SPINK8: variants seen among roughly 807,000 people sequenced by gnomAD.
SPINK8 encodes serine protease inhibitor Kazal-type 8.
A neutral mutation model predicts 14.4 loss-of-function variants in SPINK8; 12 were observed. That is an observed-to-expected ratio of 0.83 (90% CI 0.53 to 1.35). The LOEUF (loss-of-function observed/expected upper bound fraction) is 1.35, where lower values mean the gene tolerates loss of function less well. SPINK8 is among the 40% of genes most tolerant of loss of function. The pLI is 0.00. For synonymous variants in SPINK8, 32 were observed against 37.6 expected, an observed-to-expected ratio of 0.85 and a Z score of 0.55; for missense variants, 103 against 117.0, an observed-to-expected ratio of 0.88 and a Z score of 0.55.
chr3:48,307,027 A>G, intron 7 of SPINK8, 24 bp from the exon 8 acceptor site: 6 of 1,611,784 alleles, frequency 3.7e-6, no homozygotes, highest in Non-Finnish European at 5.1e-6. Flanking sequence ...ATCTGCTTAG[A>G]GAAATCAAAT....
At chr3:48,324,560 G>T (rs371674959) in intron 4 of SPINK8, among the ~76,000 whole-genome samples, 173 of 152,140 alleles carry the variant, frequency 1.1e-3, no homozygotes, top group African/African-American at 4.0e-3. Flanking sequence ...CACCCCCTTT[G>T]TGCTATTATC....
At chr3:48,314,953 A>C (rs2035966686) in intron 6 of SPINK8, among the ~76,000 whole-genome samples, 1 of 152,232 alleles carries the variant, frequency 6.6e-6, no homozygotes, top group African/African-American at 2.4e-5. Flanking sequence ...CTGTGCAAAC[A>C]TCCAGTGACC....
chr3:48,323,660 A>C (rs528582575), intron 4 of SPINK8, among the ~76,000 whole-genome samples: 5 of 152,200 alleles, frequency 3.3e-5, no homozygotes, highest in Admixed American at 1.3e-4. Context: ...ATTCTTTTGT[A>C]TATAGATATC....
chr3:48,322,884 T>C lies in SPINK8; in HGVS notation c.68-1810A>G, dbSNP rs373567737. On this transcript the variant is annotated intron_variant, in intron 4 of 7. Coordinates refer to ENST00000434006, the MANE Select transcript of SPINK8 (RefSeq NM_001080525.3). ...TTTTTGCTATTATGAATAAAGCTGC[T>C]ATGAATATTTATGCACACATTTTTG... Among the ~76,000 whole-genome samples the C allele has an allele frequency of 5.3e-4, 80 of 152,342 alleles. 2 individuals are homozygous for C. In the East Asian group the frequency reaches 0.011, roughly 20 times the overall value.
intron 6 of SPINK8, among the ~76,000 whole-genome samples, chr3:48,313,899 G>A (rs1193428893): frequency 6.6e-6 from 1 of 152,172 alleles, no homozygotes; most frequent in Admixed American, 6.5e-5. Context: ...GAAATATACA[G>A]AATAGTAAAT....
rs2035858305 is a variant in SPINK8, at chr3:48,306,964, G to A, written c.*28C>T. On this transcript the variant is annotated 3_prime_UTR_variant, in exon 8 of 8. Transcript: ENST00000434006. ...TTTCACTTGGCAATCTGGAGATTCA[G>A]TAGGTTTTATAATTCTTTGTCGTAC... 2 of 1,611,490 alleles carry A rather than the reference G, an allele frequency of 1.2e-6. No individual in the cohort carries two copies. The highest frequency in any genetic ancestry group is 2.2e-5 in the East Asian group (1 of 44,816).
intron 6 of SPINK8, among the ~76,000 whole-genome samples, chr3:48,318,956 G>A (rs1575343729): frequency 6.6e-6 from 1 of 152,112 alleles, no homozygotes; most frequent in African/African-American, 2.4e-5. Flanking sequence ...ATTCCCCTTG[G>A]GCTAAACAAT....
At position 48,306,943 on chromosome 3, in the gene SPINK8, A is replaced by T; in HGVS notation, c.*49T>A. On this transcript the variant is annotated 3_prime_UTR_variant, in exon 8 of 8. Transcript: ENST00000434006. ...TTTGAAGAGGCAACCATTGTGTTTC[A>T]CTTGGCAATCTGGAGATTCAGTAGG... The T allele has an allele frequency of 6.2e-7, 1 of 1,605,344 alleles. No homozygotes were observed. Among genetic ancestry groups the T allele is most frequent in the Non-Finnish European group, 8.5e-7 (1 of 1,173,770 alleles).
intron 6 of SPINK8, among the ~76,000 whole-genome samples, chr3:48,317,610 G>T (rs1272364621): frequency 6.6e-6 from 1 of 151,964 alleles, no homozygotes; most frequent in Non-Finnish European, 1.5e-5. Context: ...CCACCTCTCA[G>T]GTTCATGCCA....
intron 4 of SPINK8, among the ~76,000 whole-genome samples, chr3:48,322,692 T>G (rs2036091598): frequency 6.6e-6 from 1 of 152,208 alleles, no homozygotes; most frequent in Admixed American, 6.5e-5. Flanking sequence ...AATGGAGTCA[T>G]GCAACGAAGT....
intron 7 of SPINK8, among the ~76,000 whole-genome samples, chr3:48,307,298 G>A (rs1407349800): frequency 6.6e-6 from 1 of 152,138 alleles, no homozygotes; most frequent in Non-Finnish European, 1.5e-5. Context: ...GGTCCTGGCA[G>A]AGGCCTGTTG....
intron 6 of SPINK8, among the ~76,000 whole-genome samples, chr3:48,316,171 A>C (rs1471559342): frequency 6.6e-6 from 1 of 152,242 alleles, no homozygotes; most frequent in Non-Finnish European, 1.5e-5. Flanking sequence ...CAAGGAGAGG[A>C]GAATACTTGG....
At position 48,310,767 on chromosome 3, in the gene SPINK8, G is replaced by A. The variant is rs192050927; in HGVS notation, c.240-821C>T. On this transcript the variant is annotated intron_variant, in intron 6 of 7. Transcript: ENST00000434006. ...ACCCGCTTCGGCCTCCCAAAGTGCA[G>A]GGATTACAGGCATGAGCCACTGCAC... 3.8e-3 allele frequency among the ~76,000 whole-genome samples: 575 copies of A among 152,240 alleles called. 5 individuals carry two copies. Among genetic ancestry groups the A allele is most frequent in the African/African-American group, 0.013 (538 of 41,548 alleles).
chr3:48,314,444 A>G (rs1283840974), intron 6 of SPINK8, among the ~76,000 whole-genome samples: 1 of 152,064 alleles, frequency 6.6e-6, no homozygotes, highest in East Asian at 1.9e-4. Context: ...CTTGCTCTGG[A>G]CCCATCTGCA....
rs66504818 is a variant in SPINK8, at chr3:48,315,720, CAAAAA to C, written c.239+3772_239+3776del. Among the ~76,000 whole-genome samples the C allele has an allele frequency of 5.8e-3, 127 of 21,924 alleles. 4 individuals are homozygous for C. Among genetic ancestry groups the C allele is most frequent in the South Asian group, 0.048 (20 of 416 alleles). The allele number at this position is 21,924 out of a possible 152,430, so 14.4% of individuals were successfully genotyped here. On this transcript the variant is annotated intron_variant, in intron 6 of 7. Coordinates refer to ENST00000434006, the MANE Select transcript of SPINK8 (RefSeq NM_001080525.3). ...TGGGTAACAGAGTAAGACTCCATCT[CAAAAA>C]AAAAAAAAAAAAAAAAAAAGAACTG...
chr3:48,321,003 G>C (rs1273834263), intron 5 of SPINK8, 22 bp downstream of exon 5: 2 of 1,581,026 alleles, frequency 1.3e-6, no homozygotes, highest in East Asian at 2.3e-5. Flanking sequence ...CTGTTATTAG[G>C]AACCAAGGAA....
At chr3:48,309,580 G>C (rs1042765204) in intron 7 of SPINK8, among the ~76,000 whole-genome samples, 2 of 152,216 alleles carry the variant, frequency 1.3e-5, no homozygotes, top group Admixed American at 6.5e-5. Flanking sequence ...GTTGTAATAA[G>C]ACCTTCTGAG....
At chr3:48,315,341 G>C (rs1029293153) in intron 6 of SPINK8, among the ~76,000 whole-genome samples, 1 of 152,144 alleles carries the variant, frequency 6.6e-6, no homozygotes, top group Non-Finnish European at 1.5e-5. Flanking sequence ...TCGCATATAG[G>C]ATAAAAGTCA....
chr3:48,313,212 C>T (rs921999268), intron 6 of SPINK8, among the ~76,000 whole-genome samples: 4 of 151,976 alleles, frequency 2.6e-5, no homozygotes, highest in Non-Finnish European at 4.4e-5. Context: ...CCTATAGAAT[C>T]GGGGGAGAAA....
Sources: allele counts gnomAD v4.1 joint callset (sites outside exome capture counted in the v4.1 genomes callset), GRCh38; gene constraint gnomAD v4.1.1; transcripts MANE v1.5; gene names NCBI Gene and HGNC (gene_info 2026-07-23, HGNC 2026-07-21).